Variants in ERC1 observed in about 807,000 individuals in gnomAD.
ERC1 encodes ELKS/RAB6-interacting/CAST family member 1.
A neutral mutation model predicts 132.0 loss-of-function variants in ERC1; 56 were observed. The observed-to-expected ratio is 0.42, with a 90% CI of 0.34 to 0.53. The LOEUF is 0.53. Among genes scored for constraint, ERC1 ranks in the 20% least tolerant of loss-of-function variants. ERC1 has a pLI of 0.03. For synonymous variants in ERC1, 478 were observed against 476.1 expected (o/e 1.00, Z -0.05); for missense variants, 1,202 against 1,349.9 (o/e 0.89, Z 1.72).
intron 17 of ERC1, among the ~76,000 whole-genome samples, chr12:1,426,304 C>T (rs914567367): frequency 1.3e-5 from 2 of 152,010 alleles, no homozygotes; most frequent in Non-Finnish European, 2.9e-5. Flanking sequence ...AGGTTTTCAC[C>T]GTGTTGGCCA....
intron 17 of ERC1, among the ~76,000 whole-genome samples, chr12:1,412,107 G>A (rs1050619375): frequency 3.3e-5 from 5 of 152,134 alleles, no homozygotes; most frequent in African/African-American, 1.2e-4. Context: ...TTTATAAAAT[G>A]TGCTGTAAAC....
intron 2 of ERC1, among the ~76,000 whole-genome samples, chr12:1,055,045 C>T (rs1972684988): frequency 6.6e-6 from 1 of 152,008 alleles, no homozygotes; most frequent in East Asian, 1.9e-4. Flanking sequence ...ACAGGAGACC[C>T]CTACCTAAAA....
Position 1,093,864 on chromosome 12 carries a change from CAT to C in ERC1, c.1086+10293_1086+10294del, listed in dbSNP as rs552464458. Among the ~76,000 whole-genome samples the C allele has an allele frequency of 5.9e-3, 847 of 142,412 alleles. 8 individuals are homozygous for C. Among genetic ancestry groups the C allele is most frequent in the African/African-American group, 0.02 (767 of 38,926 alleles). 93.4% of individuals were successfully genotyped at this position (142,412 alleles called of 152,430 possible). ...AGAGGAGATTAAAGAAAAAAAGAAACATATATATATGTTTATGTGTATTTATT... is the reference window on the plus strand; with the variant it reads ...AGAGGAGATTAAAGAAAAAAAGAAACATATATATGTTTATGTGTATTTATT... On this transcript the variant is annotated intron_variant, in intron 3 of 18. Transcript: ENST00000360905.
intron 18 of ERC1, among the ~76,000 whole-genome samples, chr12:1,470,120 TAA>T (rs113732773): frequency 6.5e-5 from 9 of 138,576 alleles, no homozygotes; most frequent in African/African-American, 2.1e-4. Context: ...AGATTTATAC[TAA>T]AAAAAAAAAA....
intron 16 of ERC1, among the ~76,000 whole-genome samples, chr12:1,394,925 G>A (rs963273955): frequency 3.3e-5 from 5 of 152,178 alleles, no homozygotes; most frequent in Non-Finnish European, 5.9e-5. Flanking sequence ...CTTGGATCCT[G>A]GCCATTGTTC....
intron 15 of ERC1, among the ~76,000 whole-genome samples, chr12:1,355,168 G>T (rs561021145): frequency 6.6e-6 from 1 of 152,102 alleles, no homozygotes; most frequent in African/African-American, 2.4e-5. Flanking sequence ...TAGCACCAGC[G>T]TAGCCATAGA....
intron 8 of ERC1, 81 bp downstream of exon 8, chr12:1,141,868 T>C: frequency 8.8e-7 from 1 of 1,138,112 alleles, no homozygotes. Flanking sequence ...CTAAATGCTG[T>C]CAGAGTTTCT....
At chr12:1,079,940 A>G (rs1483733399) in intron 2 of ERC1, among the ~76,000 whole-genome samples, 1 of 152,268 alleles carries the variant, frequency 6.6e-6, no homozygotes, top group Non-Finnish European at 1.5e-5. Context: ...TGTAATATGT[A>G]TCAGAATTAC....
At chr12:1,046,645 G>C (rs1189491380) in intron 2 of ERC1, among the ~76,000 whole-genome samples, 1 of 152,148 alleles carries the variant, frequency 6.6e-6, no homozygotes, top group Non-Finnish European at 1.5e-5. Flanking sequence ...GGATAACAGA[G>C]TAAATAATAA....
intron 8 of ERC1, among the ~76,000 whole-genome samples, chr12:1,155,449 A>G (rs1951290705): frequency 6.6e-6 from 1 of 152,200 alleles, no homozygotes; most frequent in South Asian, 2.1e-4. Flanking sequence ...GTGCCCATCA[A>G]CCAATGAATG....
At chr12:1,155,693 G>A (rs541837007) in intron 8 of ERC1, among the ~76,000 whole-genome samples, 10 of 152,122 alleles carry the variant, frequency 6.6e-5, no homozygotes, top group Non-Finnish European at 1.0e-4. Flanking sequence ...AGGTGGTCTC[G>A]ATTTCCTGAC....
intron 16 of ERC1, chr12:1,386,651 C>CAAAGAAAAAAAAAAAAA (rs2089396579): frequency 1.3e-5 from 1 of 75,740 alleles, no homozygotes; most frequent in Non-Finnish European, 2.3e-5. Flanking sequence ...GACTTCGTCT[C>CAAAGAAAAAAAAAAAAA]AAAAAAAAAA....
chr12:1,391,009 G>C (rs554530189), intron 16 of ERC1: 6 of 152,334 alleles, frequency 3.9e-5, no homozygotes, highest in African/African-American at 1.4e-4. Flanking sequence ...ATCAGTTGCT[G>C]CCTAATTACC....
chr12:1,181,891 A>C, intron 9 of ERC1, 34 bp from the exon 10 acceptor site: 1 of 1,586,650 alleles, frequency 6.3e-7, no homozygotes, highest in African/African-American at 1.4e-5. Context: ...TGCAAAAGGG[A>C]ATTTCTTCAC....
chr12:1,220,085 A>G lies in ERC1; in HGVS notation c.2352-16684A>G, dbSNP rs554638362. Among the ~76,000 whole-genome samples, 78 of 152,094 alleles carry G rather than the reference A, an allele frequency of 5.1e-4. 1 individual carries two copies. Among genetic ancestry groups the G allele is most frequent in the African/African-American group, 1.8e-3 (74 of 41,480 alleles). ...TGTTAAAACAAGCTAAGCATTTTCT[A>G]TCCTCAAAGCCTTTGTAGTTATGAT... On this transcript the variant is annotated intron_variant, in intron 12 of 18. Transcript: ENST00000360905.
rs1210429911 is a variant in ERC1, at chr12:1,263,135, G to A, written c.2589G>A (p.Glu863=). Residue 863 remains glutamate, a synonymous_variant, in exon 14 of 19, where the codon GAG becomes GAA. Transcript: ENST00000360905. ...AGCGGGAAATGGTGCTAGCACAAGAGGAATCAGCCAGGACCAATGCTGAAA... is the reference window on the plus strand; with the variant it reads ...AGCGGGAAATGGTGCTAGCACAAGAAGAATCAGCCAGGACCAATGCTGAAA... ...TAEREMVLAQ[E]ESARTNAEKQ... 1.2e-6 allele frequency: 2 copies of A among 1,613,918 alleles called. No individual in the cohort carries two copies. Among genetic ancestry groups the A allele is most frequent in the Non-Finnish European group, 1.7e-6 (2 of 1,179,970 alleles).
intron 15 of ERC1, among the ~76,000 whole-genome samples, chr12:1,333,985 T>G (rs2083099780): frequency 6.6e-6 from 1 of 152,242 alleles, no homozygotes; most frequent in East Asian, 1.9e-4. Flanking sequence ...GTTTCAATTT[T>G]TTCTCTAATG....
intron 3 of ERC1, among the ~76,000 whole-genome samples, chr12:1,097,453 GTC>G (rs1293664881): frequency 1.3e-5 from 2 of 152,144 alleles, no homozygotes; most frequent in African/African-American, 2.4e-5. Flanking sequence ...ACCTTTTAGT[GTC>G]TCTACTAAAT....
At chr12:1,004,640 T>C (rs375099468) in intron 1 of ERC1, among the ~76,000 whole-genome samples, 19 of 151,872 alleles carry the variant, frequency 1.3e-4, no homozygotes, top group Admixed American at 2.6e-4. Context: ...CTCCTGACCT[T>C]GTGATCCAAC....
Sources: gnomAD v4.1 joint callset for allele counts (sites outside exome capture counted in the v4.1 genomes callset) on GRCh38, gnomAD v4.1.1 for gene constraint, MANE v1.5 for transcripts, NCBI Gene and HGNC (gene_info 2026-07-23, HGNC 2026-07-21) for gene names.